The following LEPR variants were observed in gnomAD, a reference collection of about 807,000 sequenced individuals.
The protein encoded by LEPR is leptin receptor.
Under a neutral mutation model 114.7 loss-of-function variants are expected in LEPR, and 56 were observed. That is an observed-to-expected ratio of 0.49 (90% CI 0.39 to 0.61). The LOEUF is 0.61. Among genes scored for constraint, LEPR ranks in the 20% least tolerant of loss-of-function variants. The pLI is 0.00. For missense variants in LEPR, 1,202 were observed against 1,352.9 expected, an observed-to-expected ratio of 0.89 and a Z score of 1.75; for synonymous variants, 443 against 461.4, an observed-to-expected ratio of 0.96 and a Z score of 0.51.
At chr1:65,602,768 G>A (rs1442229863) in intron 10 of LEPR, among the ~76,000 whole-genome samples, 1 of 151,930 alleles carries the variant, frequency 6.6e-6, no homozygotes, top group East Asian at 1.9e-4. Flanking sequence ...CTCAAATACT[G>A]TGATCTGAAG....
chr1:65,610,735 A>T (rs1286197180), intron 14 of LEPR, among the ~76,000 whole-genome samples: 3 of 152,250 alleles, frequency 2.0e-5, no homozygotes, highest in African/African-American at 7.2e-5. Flanking sequence ...TGGCATAAAA[A>T]CAGTGGATAG....
chr1:65,581,066 C>G (rs1654949332), intron 5 of LEPR, among the ~76,000 whole-genome samples: 1 of 152,174 alleles, frequency 6.6e-6, no homozygotes, highest in African/African-American at 2.4e-5. Flanking sequence ...TGCCAGCATT[C>G]TTGATGATTT....
Position 65,570,618 on chromosome 1 carries a change from A to T in LEPR, c.186A>T (p.Gly62=). The change falls in exon 4 of 20, where the codon GGA becomes GGT. Residue 62 remains glycine, a synonymous_variant. Coordinates refer to ENST00000349533, the MANE Select transcript of LEPR (RefSeq NM_002303.6). ...GLSKNTSNSN[G]HYETAVEPKF... ...CAAAGAATACTTCAAATTCGAATGG[A>T]CATTATGAGACAGCTGTTGAACCTA... The T allele has an allele frequency of 1.2e-6, 2 of 1,614,002 alleles. No homozygotes were observed. Among genetic ancestry groups the T allele is most frequent in the Non-Finnish European group, 1.7e-6 (2 of 1,179,938 alleles).
chr1:65,531,062 C>A (rs1282702963), intron 2 of LEPR, among the ~76,000 whole-genome samples: 1 of 152,150 alleles, frequency 6.6e-6, no homozygotes, highest in Admixed American at 6.5e-5. Flanking sequence ...CTGGTTCACA[C>A]AGAGTAAAAA....
chr1:65,453,656 A>G (rs1646821605), intron 2 of LEPR, among the ~76,000 whole-genome samples: 1 of 151,872 alleles, frequency 6.6e-6, no homozygotes, highest in African/African-American at 2.4e-5. Flanking sequence ...AGTTTGTTAT[A>G]ATTTCTGTTC....
intron 2 of LEPR, among the ~76,000 whole-genome samples, chr1:65,459,609 G>A (rs377505106): frequency 5.3e-5 from 8 of 152,228 alleles, no homozygotes; most frequent in African/African-American, 1.7e-4. Context: ...ACTAACAAAG[G>A]GAAATGTTCA....
intron 2 of LEPR, chr1:65,427,796 C>A: frequency 2.4e-6 from 1 of 411,080 alleles, no homozygotes; most frequent in Non-Finnish European, 4.9e-6. Flanking sequence ...GCCACAACAC[C>A]CAGCTGATTT....
intron 2 of LEPR, among the ~76,000 whole-genome samples, chr1:65,489,653 C>G (rs1039267796): frequency 6.6e-6 from 1 of 152,072 alleles, no homozygotes; most frequent in Non-Finnish European, 1.5e-5. Flanking sequence ...CTTTGGTTGC[C>G]TGATCTTTTG....
intron 2 of LEPR, among the ~76,000 whole-genome samples, chr1:65,471,119 C>T (rs1233534328): frequency 6.6e-6 from 1 of 152,174 alleles, no homozygotes; most frequent in Non-Finnish European, 1.5e-5. Context: ...ATCAAACTTC[C>T]CTTGCTGATA....
chr1:65,564,507 C>G (rs1263540417), intron 2 of LEPR, among the ~76,000 whole-genome samples: 2 of 93,972 alleles, frequency 2.1e-5, no homozygotes, highest in South Asian at 3.9e-4. Flanking sequence ...AGAAATCACC[C>G]GTCTTCTGCG....
intron 2 of LEPR, among the ~76,000 whole-genome samples, chr1:65,456,964 T>C (rs748785829): frequency 2.6e-4 from 39 of 152,250 alleles, no homozygotes; most frequent in Non-Finnish European, 5.0e-4. Flanking sequence ...TATACTTTTT[T>C]CCATATCTAT....
intron 2 of LEPR, among the ~76,000 whole-genome samples, chr1:65,465,012 G>T (rs1646992258): frequency 6.6e-6 from 1 of 151,996 alleles, no homozygotes; most frequent in South Asian, 2.1e-4. Context: ...GGTTTTTTGT[G>T]TCTCTATCTC....
chr1:65,571,665 A>C (rs931094487), intron 4 of LEPR, among the ~76,000 whole-genome samples: 13 of 151,230 alleles, frequency 8.6e-5, no homozygotes, highest in African/African-American at 2.7e-4. Context: ...AAAAAAAAAA[A>C]AAAAAGGCTG....
intron 2 of LEPR, chr1:65,526,313 A>G: frequency 1.0e-6 from 1 of 985,388 alleles, no homozygotes; most frequent in South Asian, 4.7e-5. Context: ...CTGCAAGCAA[A>G]TTAAACAACA....
intron 2 of LEPR, among the ~76,000 whole-genome samples, chr1:65,458,955 A>G (rs900224024): frequency 1.3e-5 from 2 of 152,206 alleles, no homozygotes; most frequent in African/African-American, 4.8e-5. Context: ...TATCTCAGCC[A>G]TATCCAGTCT....
At chr1:65,451,120 G>A (rs1328604929) in intron 2 of LEPR, among the ~76,000 whole-genome samples, 1 of 151,980 alleles carries the variant, frequency 6.6e-6, no homozygotes, top group Non-Finnish European at 1.5e-5. Flanking sequence ...TTTTTGATGG[G>A]GTTGTTTGTT....
At chr1:65,507,472 T>TATAC (rs1557630278) in intron 2 of LEPR, among the ~76,000 whole-genome samples, 3 of 147,738 alleles carry the variant, frequency 2.0e-5, no homozygotes, top group Non-Finnish European at 4.5e-5. Context: ...TATATATATA[T>TATAC]ACACATATAT....
intron 2 of LEPR, among the ~76,000 whole-genome samples, chr1:65,513,510 A>C (rs1649137871): frequency 6.6e-6 from 1 of 152,228 alleles, no homozygotes; most frequent in African/African-American, 2.4e-5. Context: ...ATTTCATTGT[A>C]AATTTGTAAA....
chr1:65,616,294 T>G, intron 15 of LEPR, 70 bp downstream of exon 15: 1 of 1,479,370 alleles, frequency 6.8e-7, no homozygotes, highest in South Asian at 1.2e-5. Context: ...TCTCCTATTT[T>G]AAATTATCTT....
Sources: allele counts gnomAD v4.1 joint callset (sites outside exome capture counted in the v4.1 genomes callset), GRCh38; gene constraint gnomAD v4.1.1; transcripts MANE v1.5; gene names NCBI Gene and HGNC (gene_info 2026-07-23, HGNC 2026-07-21).